Variants in NPAS3 observed in about 807,000 individuals in gnomAD.
The protein encoded by NPAS3 is neuronal PAS domain protein 3.
In NPAS3, 14 loss-of-function variants were observed where a neutral mutation model predicts 73.1. The ratio of observed to expected loss-of-function variants is 0.19; its 90% CI spans 0.13 to 0.30. The LOEUF (loss-of-function observed/expected upper bound fraction) is 0.30. Ranked by LOEUF, NPAS3 falls within the 10% of genes least tolerant of loss-of-function variation. The pLI is 1.00. For synonymous variants in NPAS3, 620 were observed against 541.5 expected, an observed-to-expected ratio of 1.14 and a Z score of -2.01; for missense variants, 1,096 against 1,250.0, an observed-to-expected ratio of 0.88 and a Z score of 1.86.
intron 2 of NPAS3, among the ~76,000 whole-genome samples, chr14:33,213,059 C>T (rs1234097078): frequency 1.3e-5 from 2 of 152,146 alleles, no homozygotes; most frequent in African/African-American, 2.4e-5. Flanking sequence ...TGACACCAGG[C>T]ATGACTTTCC....
intron 4 of NPAS3, among the ~76,000 whole-genome samples, chr14:33,372,500 C>T (rs2046134938): frequency 6.6e-6 from 1 of 152,118 alleles, no homozygotes; most frequent in African/African-American, 2.4e-5. Context: ...ATTTTCAATA[C>T]CCGTGTTTGT....
chr14:33,048,709 C>CA (rs1268856346), intron 1 of NPAS3, among the ~76,000 whole-genome samples: 1 of 152,166 alleles, frequency 6.6e-6, no homozygotes, highest in Non-Finnish European at 1.5e-5. Context: ...AAAATAATGA[C>CA]AAAATAGAGG....
intron 5 of NPAS3, 74 bp downstream of exon 5, chr14:33,560,284 G>T: frequency 1.4e-6 from 1 of 727,168 alleles, no homozygotes; most frequent in South Asian, 1.7e-5. Context: ...CCTTCTTCAA[G>T]GAATATTCTG....
At chr14:33,376,519 G>C (rs2046319455) in intron 4 of NPAS3, among the ~76,000 whole-genome samples, 1 of 152,074 alleles carries the variant, frequency 6.6e-6, no homozygotes, top group African/African-American at 2.4e-5. Context: ...TCGTTCAATA[G>C]GTTGTCAGGA....
intron 2 of NPAS3, among the ~76,000 whole-genome samples, chr14:33,103,557 T>C (rs567585607): frequency 2.0e-5 from 3 of 152,298 alleles, no homozygotes; most frequent in Admixed American, 6.5e-5. Context: ...CTTGAAGATA[T>C]TGCCAAAGAG....
intron 1 of NPAS3, among the ~76,000 whole-genome samples, chr14:32,979,259 A>G (rs2139384492): frequency 6.6e-6 from 1 of 152,334 alleles, no homozygotes; most frequent in South Asian, 2.1e-4. Context: ...CTATGCCTTC[A>G]AACAAATTGA....
At chr14:33,418,191 A>G (rs1405667752) in intron 4 of NPAS3, among the ~76,000 whole-genome samples, 1 of 151,882 alleles carries the variant, frequency 6.6e-6, no homozygotes, top group Non-Finnish European at 1.5e-5. Flanking sequence ...GCCCTACCTA[A>G]CCAGTAAAGT....
At chr14:33,399,783 G>A (rs1372229189) in intron 4 of NPAS3, among the ~76,000 whole-genome samples, 2 of 151,552 alleles carry the variant, frequency 1.3e-5, no homozygotes, top group African/African-American at 4.8e-5. Flanking sequence ...TATATTTAAT[G>A]TAACTCTAAT....
chr14:33,654,108 G>C (rs2059076316), intron 5 of NPAS3, among the ~76,000 whole-genome samples: 1 of 151,752 alleles, frequency 6.6e-6, no homozygotes, highest in Non-Finnish European at 1.5e-5. Flanking sequence ...ACAATGTTTA[G>C]TTATGCATTT....
chr14:33,275,986 C>T (rs2140035988), intron 3 of NPAS3, among the ~76,000 whole-genome samples: 1 of 152,102 alleles, frequency 6.6e-6, no homozygotes, highest in East Asian at 1.9e-4. Context: ...ATGAAAACAC[C>T]AAGGGTACCT....
chr14:33,686,013 T>C (rs1322710307), intron 6 of NPAS3, among the ~76,000 whole-genome samples: 1 of 152,174 alleles, frequency 6.6e-6, no homozygotes, highest in Non-Finnish European at 1.5e-5. Context: ...TTATACATAG[T>C]CGACAACTAG....
At chr14:33,639,383 T>A (rs1014467385) in intron 5 of NPAS3, among the ~76,000 whole-genome samples, 1 of 151,984 alleles carries the variant, frequency 6.6e-6, no homozygotes, top group African/African-American at 2.4e-5. Context: ...TAAAAAAAAA[T>A]TGTCTAGATA....
At chr14:33,397,014 A>G (rs1014848814) in intron 4 of NPAS3, among the ~76,000 whole-genome samples, 4 of 152,090 alleles carry the variant, frequency 2.6e-5, no homozygotes, top group African/African-American at 7.2e-5. Flanking sequence ...TGGTGGCATT[A>G]TTATAACAGA....
intron 2 of NPAS3, among the ~76,000 whole-genome samples, chr14:33,155,877 C>T (rs2044628677): frequency 6.6e-6 from 1 of 152,110 alleles, no homozygotes. Flanking sequence ...TTAAATATTA[C>T]CATATTTTTA....
At chr14:33,233,800 T>C (rs563006511) in intron 3 of NPAS3, among the ~76,000 whole-genome samples, 15 of 152,290 alleles carry the variant, frequency 9.8e-5, no homozygotes, top group African/African-American at 3.4e-4. Flanking sequence ...TCATTTGACA[T>C]CTATCCTGAT....
chr14:33,628,885 G>T (rs1391361555), intron 5 of NPAS3, among the ~76,000 whole-genome samples: 4 of 152,138 alleles, frequency 2.6e-5, no homozygotes, highest in Non-Finnish European at 5.9e-5. Flanking sequence ...TTTCACTTTT[G>T]GGAAATCAAT....
At chr14:33,032,359 C>T (rs2040024913) in intron 1 of NPAS3, among the ~76,000 whole-genome samples, 1 of 152,034 alleles carries the variant, frequency 6.6e-6, no homozygotes, top group South Asian at 2.1e-4. Context: ...CATGAGAAGA[C>T]CAATTAGAAG....
chr14:33,316,247 TATGA>T (rs964311311), intron 3 of NPAS3, among the ~76,000 whole-genome samples: 59 of 152,114 alleles, frequency 3.9e-4, no homozygotes, highest in African/African-American at 1.4e-3. Context: ...ACAGGTTTGA[TATGA>T]ATGAAGTCAA....
intron 3 of NPAS3, among the ~76,000 whole-genome samples, chr14:33,347,627 A>T (rs1379240835): frequency 6.6e-6 from 1 of 152,200 alleles, no homozygotes; most frequent in Non-Finnish European, 1.5e-5. Context: ...CTTGGTATCC[A>T]TGGGGAATTG....
Sources: allele counts gnomAD v4.1 joint callset (sites outside exome capture counted in the v4.1 genomes callset), GRCh38; gene constraint gnomAD v4.1.1; transcripts MANE v1.5; gene names NCBI Gene and HGNC (gene_info 2026-07-23, HGNC 2026-07-21).